Variants in TMEM132C observed in about 807,000 individuals in gnomAD.
TMEM132C encodes transmembrane protein 132C.
In TMEM132C, 29 loss-of-function variants were observed where a neutral mutation model predicts 61.4. That is an observed-to-expected ratio of 0.47 (90% CI 0.35 to 0.64). The LOEUF is 0.64. Ranked by LOEUF, TMEM132C falls within the 30% of genes least tolerant of loss-of-function variation. The probability of loss-of-function intolerance (pLI) is 0.00; values close to 1 mark genes in which losing one functional copy is unlikely to be tolerated. For missense variants in TMEM132C, 1,408 were observed against 1,476.9 expected, an observed-to-expected ratio of 0.95 and a Z score of 0.76; for synonymous variants, 656 against 633.1, an observed-to-expected ratio of 1.04 and a Z score of -0.54.
rs1954057054 is a variant in TMEM132C at position 128,630,507 on chromosome 12, T to C, written c.1305+14172T>C. On this transcript the variant is annotated intron_variant, in intron 4 of 8. Transcript: ENST00000435159. This position sits in a 1 kb window ranked among gnomAD's most constrained non-coding sequence, Gnocchi z 4.3. Reference sequence around the variant, plus strand: ...CACTAGGCCCCCTGACTAACCTGCCTAAAAGAGCAACCTGGAACCCCTCTG... The same window carrying C: ...CACTAGGCCCCCTGACTAACCTGCCCAAAAGAGCAACCTGGAACCCCTCTG... 6.6e-6 allele frequency among the ~76,000 whole-genome samples: 1 copy of C among 152,126 alleles called. No homozygotes were observed. The highest frequency in any genetic ancestry group is 2.1e-4 in the South Asian group (1 of 4,826).
chr12:128,659,197 G>A (rs1358540726), intron 4 of TMEM132C, among the ~76,000 whole-genome samples: 6 of 152,162 alleles, frequency 3.9e-5, no homozygotes, highest in African/African-American at 1.4e-4. Flanking sequence ...TAAAAGCCTT[G>A]AGAATGTAAA....
At chr12:128,640,485 C>A (rs1481672557) in intron 4 of TMEM132C, among the ~76,000 whole-genome samples, 1 of 152,056 alleles carries the variant, frequency 6.6e-6, no homozygotes, top group Non-Finnish European at 1.5e-5. Flanking sequence ...GGACTGGGGG[C>A]AACTCACAAC....
At position 128,449,136 on chromosome 12, in the gene TMEM132C, CAAAA is replaced by C. The variant is rs141298455; in HGVS notation, c.974+33537_974+33540del. Among the ~76,000 whole-genome samples the C allele has an allele frequency of 2.5e-3, 126 of 50,714 alleles. 1 individual carries two copies. Among genetic ancestry groups the C allele is most frequent in the East Asian group, 7.9e-3 (15 of 1,896 alleles). 33.3% of individuals were successfully genotyped at this position (50,714 alleles called of 152,430 possible). A position where few individuals can be genotyped will look rare whatever the true frequency, so the allele number is the denominator to read the frequency against. On this transcript the variant is annotated intron_variant, in intron 2 of 8. Transcript: ENST00000435159. ...TGGGAGGCAGAGCGAGACTCTGTCT[CAAAA>C]AAAAAAAAAAAAAAAAAAAAGAAAT...
chr12:128,490,992 C>A (rs914238752), intron 2 of TMEM132C, among the ~76,000 whole-genome samples: 4 of 152,124 alleles, frequency 2.6e-5, no homozygotes, highest in African/African-American at 9.7e-5. Flanking sequence ...GATGAGGGAA[C>A]CAAGGCTTAC....
intron 1 of TMEM132C, among the ~76,000 whole-genome samples, chr12:128,389,371 C>T (rs73436674): frequency 0.018 from 2,706 of 152,182 alleles, 92 homozygotes; most frequent in African/African-American, 0.062. Flanking sequence ...TGGGGACAGA[C>T]GGGGACAGAT....
chr12:128,562,575 C>T (rs187237841), intron 3 of TMEM132C, among the ~76,000 whole-genome samples: 1 of 152,278 alleles, frequency 6.6e-6, no homozygotes, highest in Non-Finnish European at 1.5e-5. Flanking sequence ...CTTTAATTTC[C>T]CCACCTTAGA....
In TMEM132C at chr12:128,328,702, G is replaced by C. The variant is rs754109999; in HGVS notation, c.85+61215G>C. ...CTCAGGAGGCTGAGGTAGGAGACTC[G>C]CTTGAACCCGGGAGGTGGAGGTTGC... On this transcript the variant is annotated intron_variant, in intron 1 of 8. Transcript: ENST00000435159. Among the ~76,000 whole-genome samples, 4 of 150,226 alleles carry C rather than the reference G, an allele frequency of 2.7e-5. 1 individual carries two copies. Among genetic ancestry groups the C allele is most frequent in the South Asian group, 4.2e-4 (2 of 4,750 alleles).
intron 1 of TMEM132C, among the ~76,000 whole-genome samples, chr12:128,268,721 C>T (rs2135885787): frequency 6.6e-6 from 1 of 152,112 alleles, no homozygotes; most frequent in East Asian, 1.9e-4. Context: ...TTAAAAGTAG[C>T]GTTTGCTTTT....
chr12:128,692,307 G>T (rs1168179718), intron 5 of TMEM132C, among the ~76,000 whole-genome samples: 1 of 152,204 alleles, frequency 6.6e-6, no homozygotes, highest in Non-Finnish European at 1.5e-5. Context: ...TCCATGCAAT[G>T]TCCATTTCAC....
rs1307159654 is a variant in TMEM132C at position 128,707,085 on chromosome 12, G to A, written c.*790G>A. The stretch of plus-strand genomic sequence containing the variant: ...TCCCTCCAGCTTTGTTGATAGTGGC[G>A]GGTTTTGTACAATTGGAGGGAGCCC... On this transcript the variant is annotated 3_prime_UTR_variant, in exon 9 of 9. Transcript: ENST00000435159. 1 of 152,076 alleles carries A rather than the reference G, an allele frequency of 6.6e-6. No homozygotes were observed. The highest frequency in any genetic ancestry group is 1.5e-5 in the Non-Finnish European group (1 of 67,992). The allele number at this position is 152,076 out of a possible 1,614,324, so 9.4% of individuals were successfully genotyped here. A position where few individuals can be genotyped will look rare whatever the true frequency, so the allele number is the denominator to read the frequency against.
intron 3 of TMEM132C, among the ~76,000 whole-genome samples, chr12:128,582,683 A>G (rs896136551): frequency 7.2e-5 from 11 of 152,116 alleles, no homozygotes; most frequent in East Asian, 5.8e-4. Context: ...CGCCATGTAA[A>G]AAGTGCCTTT....
In TMEM132C at chr12:128,568,080, G is replaced by A. The variant is rs905427961; in HGVS notation, c.1121+23977G>A. On this transcript the variant is annotated intron_variant, in intron 3 of 8. Coordinates refer to ENST00000435159, the MANE Select transcript of TMEM132C (RefSeq NM_001136103.3). ...CTGGCCTCCTCCACAGTGCCTCGGT[G>A]TGCAGAATGGGTTTGTGATTTAGGG... Among the ~76,000 whole-genome samples, 8 of 152,316 alleles carry A rather than the reference G, an allele frequency of 5.3e-5. No individual in the cohort carries two copies. The East Asian group carries it at 1.5e-3, about 29-fold the overall frequency.
At chr12:128,584,599 C>A (rs777257628) in intron 3 of TMEM132C, among the ~76,000 whole-genome samples, 12 of 152,204 alleles carry the variant, frequency 7.9e-5, no homozygotes, top group Admixed American at 7.9e-4. Context: ...GCATCCCCAA[C>A]GTGCAGTTTT....
Position 128,435,898 on chromosome 12 carries a change from T to A in TMEM132C, c.974+20278T>A, listed in dbSNP as rs1029197534. On this transcript the variant is annotated intron_variant, in intron 2 of 8. Transcript: ENST00000435159. ...CATCAAGCTACCTGACTTCAAACTA[T>A]ACTACAAGGCTACAGTAACCAAAAC... Among the ~76,000 whole-genome samples the A allele has an allele frequency of 3.9e-5, 6 of 152,240 alleles. 1 individual carries two copies. The highest frequency in any genetic ancestry group is 1.4e-4 in the African/African-American group (6 of 41,534).
In TMEM132C at chr12:128,387,806, T is replaced by TA. The variant is rs1242506752; in HGVS notation, c.86-26921dup. Among the ~76,000 whole-genome samples, 58 of 151,866 alleles carry TA rather than the reference T, an allele frequency of 3.8e-4. No homozygotes were observed. In the Middle Eastern group the frequency reaches 0.014, roughly 36 times the overall value. On this transcript the variant is annotated intron_variant, in intron 1 of 8. Coordinates refer to ENST00000435159, the MANE Select transcript of TMEM132C (RefSeq NM_001136103.3). Reference sequence around the variant, plus strand: ...CTGGGCAACAGAGTGAGAATCTGTCTAAAAAGAAAGACAAAAATCACGGAG... The same window carrying TA: ...CTGGGCAACAGAGTGAGAATCTGTCTAAAAAAGAAAGACAAAAATCACGGAG...
chr12:128,651,229 C>T (rs1339124417), intron 4 of TMEM132C, among the ~76,000 whole-genome samples: 1 of 152,192 alleles, frequency 6.6e-6, no homozygotes, highest in African/African-American at 2.4e-5. Flanking sequence ...GGTCTTGACA[C>T]ACAGGCTGCC....
At chr12:128,691,028 C>A (rs554784157) in intron 5 of TMEM132C, among the ~76,000 whole-genome samples, 2 of 152,340 alleles carry the variant, frequency 1.3e-5, no homozygotes, top group South Asian at 2.1e-4. Context: ...ACAGACCCCC[C>A]AGAAGGGGAC....
At chr12:128,443,558 A>G (rs75031607) in intron 2 of TMEM132C, among the ~76,000 whole-genome samples, 2,825 of 152,340 alleles carry the variant, frequency 0.019, 98 homozygotes, top group African/African-American at 0.064. Context: ...AAGAACAGCA[A>G]TGCCTGAACC....
intron 3 of TMEM132C, among the ~76,000 whole-genome samples, chr12:128,552,420 G>T (rs967701747): frequency 2.0e-5 from 3 of 152,158 alleles, no homozygotes; most frequent in African/African-American, 7.2e-5. Flanking sequence ...ACGGTCTCAT[G>T]AACTGAGGTA....
Sources: gnomAD v4.1 joint callset for allele counts (sites outside exome capture counted in the v4.1 genomes callset) on GRCh38, gnomAD v4.1.1 for gene constraint, Gnocchi (gnomAD v3.1) non-coding constraint, MANE v1.5 for transcripts, NCBI Gene and HGNC (gene_info 2026-07-23, HGNC 2026-07-21) for gene names.